Variants in SH3RF3 observed in about 807,000 individuals in gnomAD.
The protein encoded by SH3RF3 is E3 ubiquitin-protein ligase SH3RF3.
In SH3RF3, 29 loss-of-function variants were observed where a neutral mutation model predicts 66.3. The ratio of observed to expected loss-of-function variants is 0.44; its 90% confidence interval spans 0.33 to 0.60. The LOEUF (loss-of-function observed/expected upper bound fraction) is 0.60. Among genes scored for constraint, SH3RF3 ranks in the 20% least tolerant of loss-of-function variants. SH3RF3 has a pLI of 0.04. For synonymous variants in SH3RF3, 583 were observed against 532.0 expected (o/e 1.10, Z -1.32); for missense variants, 1,194 against 1,190.9 (o/e 1.00, Z -0.04).
intron 4 of SH3RF3, among the ~76,000 whole-genome samples, chr2:109,400,216 A>G (rs1289069262): frequency 6.6e-6 from 1 of 152,146 alleles, no homozygotes; most frequent in African/African-American, 2.4e-5. Context: ...ACACACTTGC[A>G]CACATGCACG....
At chr2:109,140,644 G>A (rs1485279155) in intron 1 of SH3RF3, among the ~76,000 whole-genome samples, 1 of 152,102 alleles carries the variant, frequency 6.6e-6, no homozygotes, top group Non-Finnish European at 1.5e-5. Flanking sequence ...GCCTCCCAAA[G>A]TGCTGGGATT....
chr2:109,354,038 G>A (rs1293417046), intron 2 of SH3RF3, among the ~76,000 whole-genome samples: 1 of 152,224 alleles, frequency 6.6e-6, no homozygotes, highest in Non-Finnish European at 1.5e-5. Flanking sequence ...CGCTAGGTGG[G>A]GGAGCTGATG....
chr2:109,157,344 T>A (rs1314673664), intron 1 of SH3RF3, among the ~76,000 whole-genome samples: 1 of 152,210 alleles, frequency 6.6e-6, no homozygotes, highest in African/African-American at 2.4e-5. Context: ...AATATTGCAT[T>A]ACAAATATTG....
At chr2:109,273,931 G>A (rs1680687327) in intron 1 of SH3RF3, among the ~76,000 whole-genome samples, 1 of 152,154 alleles carries the variant, frequency 6.6e-6, no homozygotes, top group Non-Finnish European at 1.5e-5. Flanking sequence ...TTTGGTGCTT[G>A]CTTTAGGGCT....
intron 1 of SH3RF3, among the ~76,000 whole-genome samples, chr2:109,136,763 G>T (rs1298246974): frequency 6.6e-6 from 1 of 152,210 alleles, no homozygotes; most frequent in African/African-American, 2.4e-5. Flanking sequence ...ATGAATTTAT[G>T]TGAGTTTAAA....
At chr2:109,344,440 T>C (rs1682634772) in intron 1 of SH3RF3, among the ~76,000 whole-genome samples, 1 of 152,226 alleles carries the variant, frequency 6.6e-6, no homozygotes. Context: ...CTGAGGATGC[T>C]GTCTGCCGTG....
At position 109,293,271 on chromosome 2, in the gene SH3RF3, G is replaced by T. The variant is rs115542120; in HGVS notation, c.574-54403G>T. On this transcript the variant is annotated intron_variant, in intron 1 of 9. Coordinates refer to ENST00000309415, the MANE Select transcript of SH3RF3 (RefSeq NM_001099289.3). ...AGGGATGGTGGAGGGAAAGCCTTCT[G>T]CTAAAAATACCCAGCACTGCACTGC... 8.0e-3 allele frequency among the ~76,000 whole-genome samples: 1,223 copies of T among 152,190 alleles called. 20 individuals carry two copies. Among genetic ancestry groups the T allele is most frequent in the African/African-American group, 0.028 (1,170 of 41,528 alleles).
chr2:109,314,550 T>C (rs943859966), intron 1 of SH3RF3, among the ~76,000 whole-genome samples: 5 of 152,198 alleles, frequency 3.3e-5, no homozygotes, highest in Non-Finnish European at 2.9e-5. Context: ...CATCAACTAA[T>C]ACATTTTTAT....
chr2:109,446,811 G>A (rs11688086), intron 7 of SH3RF3, among the ~76,000 whole-genome samples: 96,862 of 151,910 alleles, frequency 0.64, 31,133 homozygotes, highest in African/African-American at 0.68. Flanking sequence ...TGCGGCAGGC[G>A]AGGGGAAGCC....
At chr2:109,261,171 C>G (rs1286217263) in intron 1 of SH3RF3, among the ~76,000 whole-genome samples, 1 of 152,144 alleles carries the variant, frequency 6.6e-6, no homozygotes, top group Admixed American at 6.5e-5. Flanking sequence ...ACATTTCTGG[C>G]TCTGTCACAC....
intron 8 of SH3RF3, among the ~76,000 whole-genome samples, chr2:109,474,137 AG>A (rs1419910284): frequency 6.6e-6 from 1 of 152,096 alleles, no homozygotes; most frequent in Non-Finnish European, 1.5e-5. Flanking sequence ...CAGAAGACGC[AG>A]GTGGCCAGGG....
intron 1 of SH3RF3, among the ~76,000 whole-genome samples, chr2:109,183,440 T>C (rs1488868523): frequency 6.6e-6 from 1 of 152,168 alleles, no homozygotes; most frequent in Non-Finnish European, 1.5e-5. Flanking sequence ...ATGCATATAG[T>C]AGTTCAACTC....
chr2:109,326,655 A>T (rs1419744840), intron 1 of SH3RF3, among the ~76,000 whole-genome samples: 1 of 152,160 alleles, frequency 6.6e-6, no homozygotes, highest in Non-Finnish European at 1.5e-5. Context: ...CTTTTCTACA[A>T]TGCCTGTTTA....
At chr2:109,273,530 C>CTGGGCACGTGT (rs1680674804) in intron 1 of SH3RF3, among the ~76,000 whole-genome samples, 1 of 152,234 alleles carries the variant, frequency 6.6e-6, no homozygotes, top group East Asian at 1.9e-4. Context: ...ACCCCACTCA[C>CTGGGCACGTGT]TGGGCACGTG....
At position 109,439,854 on chromosome 2, in the gene SH3RF3, T is replaced by C. The variant is rs571175418; in HGVS notation, c.1828+2708T>C. Among the ~76,000 whole-genome samples, 42 of 152,182 alleles carry C rather than the reference T, an allele frequency of 2.8e-4. No homozygotes were observed. In the South Asian group the frequency reaches 8.1e-3, roughly 29 times the overall value. ...AGAGAATGACTAGAAAACAAAGTTC[T>C]GTGGTGGGTTTGCTAAAGGGCTGCA... is the stretch of plus-strand genomic sequence containing the variant. On this transcript the variant is annotated intron_variant, in intron 7 of 9. Coordinates refer to ENST00000309415, the MANE Select transcript of SH3RF3 (RefSeq NM_001099289.3).
At chr2:109,415,337 A>G (rs1201859884) in intron 4 of SH3RF3, among the ~76,000 whole-genome samples, 1 of 152,238 alleles carries the variant, frequency 6.6e-6, no homozygotes, top group African/African-American at 2.4e-5. Flanking sequence ...AATAATAAGC[A>G]GGCTGCCTGA....
intron 1 of SH3RF3, among the ~76,000 whole-genome samples, chr2:109,154,414 TC>T (rs1677290872): frequency 6.6e-6 from 1 of 152,196 alleles, no homozygotes. Flanking sequence ...GCTGCCATTG[TC>T]TGCCAGTGTT....
chr2:109,185,491 CA>C lies in SH3RF3; in HGVS notation c.573+55379del, dbSNP rs546394240. Among the ~76,000 whole-genome samples, 70 of 152,174 alleles carry C rather than the reference CA, an allele frequency of 4.6e-4. 1 individual carries two copies. In the South Asian group the frequency reaches 0.012, roughly 26 times the overall value. On this transcript the variant is annotated intron_variant, in intron 1 of 9. Coordinates refer to ENST00000309415, the MANE Select transcript of SH3RF3 (RefSeq NM_001099289.3). The stretch of plus-strand genomic sequence containing the variant: ...CTCAGGACATCACATTTACTTGAGT[CA>C]CAGAGCATGTTGAAAGGTGCAGACA...
At chr2:109,428,915 C>T (rs1677114126) in intron 5 of SH3RF3, among the ~76,000 whole-genome samples, 2 of 152,140 alleles carry the variant, frequency 1.3e-5, no homozygotes. Flanking sequence ...GTTCTCCCTG[C>T]CATGCCAGAC....
Sources: allele counts gnomAD v4.1 joint callset (sites outside exome capture counted in the v4.1 genomes callset), GRCh38; gene constraint gnomAD v4.1.1; transcripts MANE v1.5; gene names NCBI Gene and HGNC (gene_info 2026-07-23, HGNC 2026-07-21).